Variants in SAMD13 observed in about 807,000 individuals in gnomAD.
SAMD13 encodes the protein sterile alpha motif domain containing 13.
In SAMD13, 9 loss-of-function variants were observed where a neutral mutation model predicts 12.4. The observed-to-expected ratio is 0.72, with a 90% confidence interval of 0.44 to 1.26. The LOEUF is 1.26. SAMD13 is among the 50% of genes most tolerant of loss of function. The probability of loss-of-function intolerance (pLI) is 0.00; values close to 1 mark genes in which losing one functional copy is unlikely to be tolerated. For synonymous variants in SAMD13, 46 were observed against 45.4 expected, an observed-to-expected ratio of 1.01 and a Z score of -0.05; for missense variants, 84 against 119.6, an observed-to-expected ratio of 0.70 and a Z score of 1.39.
chr1:84,313,866 A>T (rs1172643907), intron 2 of SAMD13, among the ~76,000 whole-genome samples: 1 of 152,192 alleles, frequency 6.6e-6, no homozygotes, highest in Non-Finnish European at 1.5e-5. Flanking sequence ...ATAATTAGTA[A>T]TGTGATGCTT....
chr1:84,337,833 C>A (rs753993083), intron 3 of SAMD13, among the ~76,000 whole-genome samples: 45 of 152,144 alleles, frequency 3.0e-4, no homozygotes, highest in Admixed American at 9.8e-4. Context: ...TTAACAACAC[C>A]CAAATCACCT....
chr1:84,321,737 A>C (rs1678950281), intron 2 of SAMD13, among the ~76,000 whole-genome samples: 1 of 152,228 alleles, frequency 6.6e-6, no homozygotes, highest in South Asian at 2.1e-4. Flanking sequence ...GGTGCTGCTT[A>C]AATCTATCCT....
At chr1:84,346,571 C>T (rs1210550532) in intron 3 of SAMD13, among the ~76,000 whole-genome samples, 1 of 152,182 alleles carries the variant, frequency 6.6e-6, no homozygotes, top group Non-Finnish European at 1.5e-5. Context: ...ACACTCCAAT[C>T]ACTTCATTTA....
intron 2 of SAMD13, among the ~76,000 whole-genome samples, chr1:84,322,525 T>A (rs899073853): frequency 1.3e-5 from 2 of 152,308 alleles, no homozygotes; most frequent in South Asian, 2.1e-4. Context: ...TGTAATACTT[T>A]GCTGTGTATC....
intron 2 of SAMD13, among the ~76,000 whole-genome samples, chr1:84,324,525 T>C (rs1484383138): frequency 6.6e-6 from 1 of 152,200 alleles, no homozygotes; most frequent in Non-Finnish European, 1.5e-5. Context: ...TACATTTACT[T>C]GTATGATTAT....
At position 84,350,387 on chromosome 1, in the gene SAMD13, C is replaced by T. The variant is rs1488448476; in HGVS notation, c.*613C>T. On this transcript the variant is annotated 3_prime_UTR_variant, in exon 4 of 4. Transcript: ENST00000394834. ...ATCATAGCTCTGAAAAGAGAAGCTC[C>T]GTTGTGTACTGAGGATATCCATCCA... The T allele has an allele frequency of 6.6e-6, 1 of 152,180 alleles. No homozygotes were observed. Among genetic ancestry groups the T allele is most frequent in the African/African-American group, 2.4e-5 (1 of 41,420 alleles). The allele number at this position is 152,180 out of a possible 1,614,324, so 9.4% of individuals were successfully genotyped here.
intron 2 of SAMD13, among the ~76,000 whole-genome samples, chr1:84,309,229 A>G (rs184699049): frequency 1.3e-5 from 2 of 152,262 alleles, no homozygotes; most frequent in Admixed American, 1.3e-4. Context: ...TTTTTTCTTC[A>G]TACAATTTTT....
At chr1:84,309,458 C>T (rs779205958) in intron 2 of SAMD13, among the ~76,000 whole-genome samples, 42 of 152,292 alleles carry the variant, frequency 2.8e-4, no homozygotes, top group Non-Finnish European at 5.1e-4. Context: ...AAACAAATGT[C>T]ATGCTGGACT....
At chr1:84,331,802 C>T (rs953577592) in intron 3 of SAMD13, among the ~76,000 whole-genome samples, 2 of 151,962 alleles carry the variant, frequency 1.3e-5, no homozygotes, top group Non-Finnish European at 2.9e-5. Context: ...AATTGTGTGT[C>T]ACGGGGGTTT....
At chr1:84,328,083 C>T (rs1034207075) in intron 3 of SAMD13, among the ~76,000 whole-genome samples, 11 of 152,154 alleles carry the variant, frequency 7.2e-5, no homozygotes, top group Admixed American at 5.2e-4. Flanking sequence ...TGACCAAAAG[C>T]CCTTTGCAGG....
intron 3 of SAMD13, among the ~76,000 whole-genome samples, chr1:84,336,499 A>G (rs1028969257): frequency 2.6e-5 from 4 of 151,656 alleles, no homozygotes; most frequent in Admixed American, 2.0e-4. Flanking sequence ...TTTGAGGGGA[A>G]CTCCTCTTTT....
intron 3 of SAMD13, among the ~76,000 whole-genome samples, chr1:84,346,433 T>C (rs1205483489): frequency 2.6e-5 from 4 of 152,232 alleles, no homozygotes; most frequent in African/African-American, 9.6e-5. Context: ...TGTCAAAGTT[T>C]TACTGACACT....
At chr1:84,320,293 G>C (rs1408595362) in intron 2 of SAMD13, among the ~76,000 whole-genome samples, 2 of 152,310 alleles carry the variant, frequency 1.3e-5, no homozygotes, top group East Asian at 3.9e-4. Flanking sequence ...TTTGAATCAA[G>C]CATCTGAACT....
intron 3 of SAMD13, among the ~76,000 whole-genome samples, chr1:84,327,060 C>G (rs140474761): frequency 2.0e-4 from 31 of 152,194 alleles, no homozygotes; most frequent in African/African-American, 7.5e-4. Context: ...AGACATCTAC[C>G]CCTTGATGCA....
intron 3 of SAMD13, chr1:84,344,917 T>A: frequency 2.2e-6 from 1 of 456,696 alleles, no homozygotes. Flanking sequence ...ACAGAGGAGA[T>A]GGCAGAGACA....
chr1:84,336,729 A>G (rs1679302458), intron 3 of SAMD13, among the ~76,000 whole-genome samples: 1 of 152,184 alleles, frequency 6.6e-6, no homozygotes, highest in African/African-American at 2.4e-5. Flanking sequence ...CCTTCCCAAC[A>G]GTACCCCAAA....
At chr1:84,299,509 C>G, upstream of SAMD13, 1 of 949,904 alleles carries the variant, frequency 1.1e-6, no homozygotes, top group Non-Finnish European at 1.4e-6. Context: ...CACACACCCC[C>G]ACATACGTAC....
intron 2 of SAMD13, among the ~76,000 whole-genome samples, chr1:84,308,050 TG>T (rs1426735441): frequency 2.0e-5 from 3 of 152,218 alleles, no homozygotes; most frequent in African/African-American, 7.2e-5. Flanking sequence ...GACTGACCTT[TG>T]CACAGCCTAA....
intron 3 of SAMD13, among the ~76,000 whole-genome samples, chr1:84,328,037 T>C (rs1679094360): frequency 6.6e-6 from 1 of 152,186 alleles, no homozygotes; most frequent in African/African-American, 2.4e-5. Flanking sequence ...AACAAAAAAA[T>C]ACTTAGCTAA....
Sources: gnomAD v4.1 joint callset for allele counts (sites outside exome capture counted in the v4.1 genomes callset) on GRCh38, gnomAD v4.1.1 for gene constraint, MANE v1.5 for transcripts, NCBI Gene and HGNC (gene_info 2026-07-23, HGNC 2026-07-21) for gene names.